The following NRG1 variants were observed in gnomAD, a reference collection of about 807,000 sequenced individuals.
The protein encoded by NRG1 is neuregulin 1, also known as pro-neuregulin-1, membrane-bound isoform.
NRG1 carries 18 observed loss-of-function variants against 63.8 expected under a neutral mutation model. The ratio of observed to expected loss-of-function variants is 0.28; its 90% confidence interval spans 0.19 to 0.42. The LOEUF is 0.42. NRG1 is among the 10% of genes least tolerant of loss of function. The pLI, the probability that NRG1 is intolerant of heterozygous loss-of-function variation, is 1.00. For missense variants in NRG1, 762 were observed against 814.7 expected, an observed-to-expected ratio of 0.94 and a Z score of 0.79; for synonymous variants, 302 against 301.3, an observed-to-expected ratio of 1.00 and a Z score of -0.02.
rs1158217383 is a variant in NRG1, at chr8:32,454,573, CTTTTTTTTTT to C, written c.38-141238_38-141229del. Reference sequence around the variant, plus strand: ...TGTGCCCAGTCCTCTTCCCATCCCTCTTTTTTTTTTTTTTTTTTTTTTTTTTGGTGGCTGC... The same window carrying C: ...TGTGCCCAGTCCTCTTCCCATCCCTCTTTTTTTTTTTTTTTTGGTGGCTGC... On this transcript the variant is annotated intron_variant, in intron 1 of 10. Coordinates refer to the NRG1 transcript ENST00000519301. 1.3e-3 allele frequency among the ~76,000 whole-genome samples: 100 copies of C among 76,454 alleles called. 1 individual carries two copies. The highest frequency in any genetic ancestry group is 5.0e-3 in the African/African-American group (97 of 19,398). The allele number at this position is 76,454 out of a possible 152,430, so 50.2% of individuals were successfully genotyped here.
At chr8:31,848,062 T>C (rs1826855618) in intron 1 of NRG1, among the ~76,000 whole-genome samples, 1 of 152,212 alleles carries the variant, frequency 6.6e-6, no homozygotes, top group Admixed American at 6.5e-5. Flanking sequence ...TTTTAAACTT[T>C]AGATACACAT....
chr8:32,616,686 G>C, intron 4 of NRG1, 149 bp from the exon 5 acceptor site: 2 of 699,914 alleles, frequency 2.9e-6, no homozygotes, highest in South Asian at 3.0e-5. Flanking sequence ...TTTGAGTATT[G>C]CATTCTGACT....
intron 11 of NRG1, 76 bp from the exon 12 acceptor site, chr8:32,763,672 A>G: frequency 7.3e-7 from 1 of 1,379,040 alleles, no homozygotes; most frequent in Non-Finnish European, 9.9e-7. Context: ...AATACCGTGA[A>G]CTCTGTCCCC....
chr8:32,604,314 G>T (rs1844888709), intron 2 of NRG1, among the ~76,000 whole-genome samples: 1 of 152,170 alleles, frequency 6.6e-6, no homozygotes, highest in Non-Finnish European at 1.5e-5. Flanking sequence ...GGAACTTTGG[G>T]TGGTTCAATC....
chr8:32,709,184 G>A (rs1756839031), intron 5 of NRG1, among the ~76,000 whole-genome samples: 1 of 152,062 alleles, frequency 6.6e-6, no homozygotes, highest in Non-Finnish European at 1.5e-5. Context: ...AGAAGCCTAA[G>A]TGAAAAATGT....
intron 1 of NRG1, among the ~76,000 whole-genome samples, chr8:31,936,892 A>G (rs1276897040): frequency 2.0e-5 from 3 of 152,252 alleles, no homozygotes; most frequent in Non-Finnish European, 4.4e-5. Context: ...CCAAGTAAAT[A>G]TAGTCAGCAA....
At chr8:32,267,470 T>G (rs1851098770) in intron 1 of NRG1, among the ~76,000 whole-genome samples, 1 of 152,160 alleles carries the variant, frequency 6.6e-6, no homozygotes, top group African/African-American at 2.4e-5. Flanking sequence ...AAGAAGAGAA[T>G]AGTGTTTTCT....
At chr8:32,194,616 C>T (rs2132237000) in intron 1 of NRG1, among the ~76,000 whole-genome samples, 1 of 152,212 alleles carries the variant, frequency 6.6e-6, no homozygotes, top group South Asian at 2.1e-4. Flanking sequence ...TTACATTCCC[C>T]AGGGCCATGG....
intron 1 of NRG1, among the ~76,000 whole-genome samples, chr8:31,863,839 G>A (rs1415992213): frequency 6.6e-6 from 1 of 151,974 alleles, no homozygotes; most frequent in Non-Finnish European, 1.5e-5. Flanking sequence ...TATTATACTG[G>A]GCGCTCTCAT....
intron 1 of NRG1, among the ~76,000 whole-genome samples, chr8:32,465,129 G>A: frequency 6.6e-6 from 1 of 152,062 alleles, no homozygotes; most frequent in South Asian, 2.1e-4. Context: ...CTTTAGCATG[G>A]GTGACAGAGT....
intron 1 of NRG1, among the ~76,000 whole-genome samples, chr8:32,174,352 A>G (rs1017311294): frequency 5.9e-5 from 9 of 152,186 alleles, no homozygotes; most frequent in African/African-American, 2.2e-4. Context: ...AGGGAAATTT[A>G]TAGCACTAAA....
At chr8:32,075,689 T>C (rs1366055884) in intron 1 of NRG1, among the ~76,000 whole-genome samples, 1 of 23,430 alleles carries the variant, frequency 4.3e-5, no homozygotes, top group African/African-American at 1.2e-4. Flanking sequence ...TTTTTTTTTT[T>C]TGAGACGGAG....
intron 1 of NRG1, among the ~76,000 whole-genome samples, chr8:32,157,174 C>T (rs1035639097): frequency 6.7e-6 from 1 of 149,892 alleles, no homozygotes; most frequent in Non-Finnish European, 1.5e-5. Context: ...AGTTCAAGAC[C>T]AGCTGGCCAA....
intron 1 of NRG1, among the ~76,000 whole-genome samples, chr8:32,447,649 G>A (rs1351376956): frequency 6.6e-6 from 1 of 152,076 alleles, no homozygotes; most frequent in Non-Finnish European, 1.5e-5. Flanking sequence ...AGAGAGGATC[G>A]CTTCAGCCCA....
chr8:32,524,970 T>A (rs1277996162), intron 1 of NRG1, among the ~76,000 whole-genome samples: 1 of 152,184 alleles, frequency 6.6e-6, no homozygotes, highest in African/African-American at 2.4e-5. Context: ...AGGAAAAGCT[T>A]TTCCGTTAAG....
At chr8:31,839,390 T>A (rs1245023999) in intron 1 of NRG1, among the ~76,000 whole-genome samples, 1 of 152,208 alleles carries the variant, frequency 6.6e-6, no homozygotes, top group Admixed American at 6.5e-5. Context: ...AAATATTTTC[T>A]TCATTGTTAT....
chr8:32,562,815 C>T (rs972498090), intron 1 of NRG1, among the ~76,000 whole-genome samples: 8 of 152,056 alleles, frequency 5.3e-5, no homozygotes, highest in Non-Finnish European at 1.2e-4. Context: ...GTCAAGAAGA[C>T]AGAGGAGGAC....
chr8:32,501,315 T>A (rs1769725656), intron 1 of NRG1, among the ~76,000 whole-genome samples: 1 of 152,232 alleles, frequency 6.6e-6, no homozygotes, highest in Non-Finnish European at 1.5e-5. Flanking sequence ...TTCTAGGAAT[T>A]TTATATGATT....
intron 1 of NRG1, among the ~76,000 whole-genome samples, chr8:32,497,276 G>A (rs571997540): frequency 3.9e-5 from 6 of 151,934 alleles, no homozygotes; most frequent in East Asian, 1.9e-4. Context: ...GTGAAAACCC[G>A]TCTCTGCTAA....
Sources: gnomAD v4.1 joint callset for allele counts (sites outside exome capture counted in the v4.1 genomes callset) on GRCh38, gnomAD v4.1.1 for gene constraint, MANE v1.5 for transcripts, NCBI Gene and HGNC (gene_info 2026-07-23, HGNC 2026-07-21) for gene names.